The following KCNK12 variants were observed in gnomAD, a reference collection of about 807,000 sequenced individuals.
KCNK12 encodes the protein potassium channel subfamily K member 12.
A neutral mutation model predicts 25.3 loss-of-function variants in KCNK12; 6 were observed. The ratio of observed to expected loss-of-function variants is 0.24; its 90% CI spans 0.13 to 0.47. The LOEUF is 0.47. Ranked by LOEUF, KCNK12 falls within the 20% of genes least tolerant of loss-of-function variation. The pLI is 0.99. For missense variants in KCNK12, 444 were observed against 661.7 expected (o/e 0.67, Z 3.61); for synonymous variants, 331 against 311.1 (o/e 1.06, Z -0.67).
rs770109013 is a variant in KCNK12 at position 47,570,083 on chromosome 2, G to A, written c.249C>T (p.His83=). The change falls in exon 1 of 2, where the codon CAC becomes CAT. Residue 83 remains histidine, a synonymous_variant. Transcript: ENST00000327876. ...CGCGCAGCTCTGGCTCGGCCACGCC[G>A]TGCGCAGCGCTGAAGTTGCGCAGCG... is the stretch of plus-strand genomic sequence containing the variant. ...GATLRNFSAA[H]GVAEPELRAF... is the part of the protein sequence containing the mutation. 1.4e-6 allele frequency: 2 copies of A among 1,385,550 alleles called. No individual in the cohort carries two copies. Among genetic ancestry groups the A allele is most frequent in the Middle Eastern group, 2.6e-4 (1 of 3,794 alleles). The allele number at this position is 1,385,550 out of a possible 1,614,324, so 85.8% of individuals were successfully genotyped here. A position where few individuals can be genotyped will look rare whatever the true frequency, so the allele number is the denominator to read the frequency against.
chr2:47,570,486 A>G lies in KCNK12; in HGVS notation c.-155T>C. On this transcript the variant is annotated 5_prime_UTR_variant, in exon 1 of 2. Transcript: ENST00000327876. Reference sequence around the variant, plus strand: ...GCAGAGCCCCTCGTCGCCTTCCCAGAGCCCGGACAGAGGGGCGCCTCCGCC... The same window carrying G: ...GCAGAGCCCCTCGTCGCCTTCCCAGGGCCCGGACAGAGGGGCGCCTCCGCC... The G allele has an allele frequency of 1.3e-6, 1 of 766,608 alleles. No individual in the cohort carries two copies. The highest frequency in any genetic ancestry group is 1.7e-6 in the Non-Finnish European group (1 of 578,756). 47.5% of individuals were successfully genotyped at this position (766,608 alleles called of 1,614,324 possible).
At position 47,569,156 on chromosome 2, in the gene KCNK12, T is replaced by C. The variant is rs901888246; in HGVS notation, c.391+785A>G. ...TAAGGTTGAGAAAACGTGAACTGTT[T>C]ATATCCAAAAAAAGAGAGAAGAGAT... On this transcript the variant is annotated intron_variant, in intron 1 of 1. Transcript: ENST00000327876. The surrounding 1 kb of genome is among the most constrained non-coding windows in gnomAD (Gnocchi z 4.1). Among the ~76,000 whole-genome samples, 2 of 151,958 alleles carry C rather than the reference T, an allele frequency of 1.3e-5. No homozygotes were observed. The highest frequency in any genetic ancestry group is 4.8e-5 in the African/African-American group (2 of 41,350).
At chr2:47,537,515 G>A (rs1043251458) in intron 1 of KCNK12, among the ~76,000 whole-genome samples, 2 of 152,032 alleles carry the variant, frequency 1.3e-5, no homozygotes, top group Non-Finnish European at 2.9e-5. Context: ...ATTTTTAATA[G>A]AGACAGGGTT....
In KCNK12 at chr2:47,529,428, A is replaced by C. The variant is rs1033206975; in HGVS notation, c.392-7620T>G. Among the ~76,000 whole-genome samples the C allele has an allele frequency of 6.6e-6, 1 of 152,280 alleles. No individual in the cohort carries two copies. The highest frequency in any genetic ancestry group is 6.5e-5 in the Admixed American group (1 of 15,290). ...AGAAATAATGTTAATAAGGTATTCC[A>C]GATGACCCTATTGGTTGGAATCTGT... is the stretch of plus-strand genomic sequence containing the variant. On this transcript the variant is annotated intron_variant, in intron 1 of 1. Coordinates refer to ENST00000327876, the MANE Select transcript of KCNK12 (RefSeq NM_022055.2). The surrounding 1 kb of genome is among the most constrained non-coding windows in gnomAD (Gnocchi z 4.3).
chr2:47,552,625 G>A (rs901633526), intron 1 of KCNK12, among the ~76,000 whole-genome samples: 23 of 151,928 alleles, frequency 1.5e-4, no homozygotes, highest in Non-Finnish European at 2.8e-4. Context: ...AAAATTAGCT[G>A]GGCATGGTGG....
chr2:47,556,164 G>T lies in KCNK12; in HGVS notation c.391+13777C>A, dbSNP rs1572606921. On this transcript the variant is annotated intron_variant, in intron 1 of 1. Coordinates refer to ENST00000327876, the MANE Select transcript of KCNK12 (RefSeq NM_022055.2). This position sits in a 1 kb window ranked among gnomAD's most constrained non-coding sequence, Gnocchi z 4.8. ...GGGTGATGCAGGGTCTATTAAGAAG[G>T]AAGAATATACATGTTTGCATACCGA... is the stretch of plus-strand genomic sequence containing the variant. Among the ~76,000 whole-genome samples the T allele has an allele frequency of 6.6e-6, 1 of 152,176 alleles. No individual in the cohort carries two copies. The highest frequency in any genetic ancestry group is 1.9e-4 in the East Asian group (1 of 5,200).
intron 1 of KCNK12, among the ~76,000 whole-genome samples, chr2:47,559,923 C>T (rs892335561): frequency 1.6e-4 from 25 of 152,254 alleles, no homozygotes; most frequent in Non-Finnish European, 3.1e-4. Flanking sequence ...TATGTAACAG[C>T]CTAGAGGCTT....
intron 1 of KCNK12, among the ~76,000 whole-genome samples, chr2:47,530,921 T>G (rs991317159): frequency 6.6e-6 from 1 of 152,138 alleles, no homozygotes; most frequent in Non-Finnish European, 1.5e-5. Flanking sequence ...TGGCAGAGAT[T>G]TGAAACTAGA....
chr2:47,547,275 A>G lies in KCNK12; in HGVS notation c.391+22666T>C, dbSNP rs75341307. 2.4e-3 allele frequency among the ~76,000 whole-genome samples: 372 copies of G among 152,276 alleles called. 3 individuals are homozygous for G. Among genetic ancestry groups the G allele is most frequent in the African/African-American group, 8.3e-3 (345 of 41,550 alleles). On this transcript the variant is annotated intron_variant, in intron 1 of 1. Transcript: ENST00000327876. This position sits in a 1 kb window ranked among gnomAD's most constrained non-coding sequence, Gnocchi z 5.0. ...CTCTGTGGTTCTAACCTTGACAGCAACTGAAATTACTCTCATGAGGAGTTT... is the reference window on the plus strand; with the variant it reads ...CTCTGTGGTTCTAACCTTGACAGCAGCTGAAATTACTCTCATGAGGAGTTT...
In KCNK12 at chr2:47,548,023, T is replaced by TA. The variant is rs1669349376; in HGVS notation, c.391+21917dup. 6.6e-6 allele frequency among the ~76,000 whole-genome samples: 1 copy of TA among 152,132 alleles called. No individual in the cohort carries two copies. Among genetic ancestry groups the TA allele is most frequent in the Admixed American group, 6.5e-5 (1 of 15,274 alleles). On this transcript the variant is annotated intron_variant, in intron 1 of 1. Transcript: ENST00000327876. The surrounding 1 kb of genome is among the most constrained non-coding windows in gnomAD (Gnocchi z 4.4). ...TAAGTTCTCATGAGATCTGGTTGTT[T>TA]AAAAGTGTGTAGCACCTTCCCCTTT...
intron 1 of KCNK12, among the ~76,000 whole-genome samples, chr2:47,553,251 A>C (rs1176518232): frequency 6.6e-6 from 1 of 152,262 alleles, no homozygotes; most frequent in Non-Finnish European, 1.5e-5. Flanking sequence ...TAACGCATAG[A>C]TTATGAACCA....
intron 1 of KCNK12, chr2:47,535,261 C>G (rs184779475): frequency 8.6e-6 from 2 of 233,012 alleles, no homozygotes; most frequent in African/African-American, 2.2e-5. Context: ...CCACGGAGAG[C>G]TGTGTGTCTG....
In KCNK12 at chr2:47,510,814, C is replaced by A. The variant is rs1236993322; in HGVS notation, c.*10093G>T. On this transcript the variant is annotated 3_prime_UTR_variant, in exon 2 of 2. Transcript: ENST00000327876. ...CAGAATAAATGAAGAATAGCTTATT[C>A]TTTGCCAGGTTGAAGATAGAAAAGG... is the stretch of plus-strand genomic sequence containing the variant. The A allele has an allele frequency of 6.6e-6, 1 of 152,210 alleles. No individual in the cohort carries two copies. Among genetic ancestry groups the A allele is most frequent in the African/African-American group, 2.4e-5 (1 of 41,446 alleles). The allele number at this position is 152,210 out of a possible 1,614,324, so 9.4% of individuals were successfully genotyped here. A position where few individuals can be genotyped will look rare whatever the true frequency, so the allele number is the denominator to read the frequency against.
intron 1 of KCNK12, 73 bp from the exon 2 acceptor site, chr2:47,521,881 TGGGGGC>T: frequency 2.8e-5 from 6 of 212,164 alleles, no homozygotes; most frequent in Non-Finnish European, 4.6e-5. Context: ...GTGGGGGGTG[TGGGGGC>T]GGGGGCATGC....
rs1669577196 is a variant in KCNK12 at position 47,557,658 on chromosome 2, G to A, written c.391+12283C>T. ...CCGGCTGAACAATGCACATCAAGGA[G>A]CTTTGTAAGGCAATTTCCGTATGTT... On this transcript the variant is annotated intron_variant, in intron 1 of 1. Coordinates refer to ENST00000327876, the MANE Select transcript of KCNK12 (RefSeq NM_022055.2). The surrounding 1 kb of genome is among the most constrained non-coding windows in gnomAD (Gnocchi z 4.9). 6.6e-6 allele frequency among the ~76,000 whole-genome samples: 1 copy of A among 152,166 alleles called. No homozygotes were observed. The highest frequency in any genetic ancestry group is 1.5e-5 in the Non-Finnish European group (1 of 68,034).
Position 47,570,471 on chromosome 2 carries a change from T to A in KCNK12, c.-140A>T. ...CCCCTCGCCGCCTTCGCAGAGCCCC[T>A]CGTCGCCTTCCCAGAGCCCGGACAG... On this transcript the variant is annotated 5_prime_UTR_variant, in exon 1 of 2. Coordinates refer to ENST00000327876, the MANE Select transcript of KCNK12 (RefSeq NM_022055.2). 2 of 901,232 alleles carry A rather than the reference T, an allele frequency of 2.2e-6. No individual in the cohort carries two copies. The highest frequency in any genetic ancestry group is 2.9e-6 in the Non-Finnish European group (2 of 700,468). 55.8% of individuals were successfully genotyped at this position (901,232 alleles called of 1,614,324 possible).
chr2:47,570,247 G>GGCGGCA lies in KCNK12; in HGVS notation c.79_84dup (p.Cys27_Arg28dup). 3 of 1,453,512 alleles carry GGCGGCA rather than the reference G, an allele frequency of 2.1e-6. No individual in the cohort carries two copies. The highest frequency in any genetic ancestry group is 2.7e-6 in the Non-Finnish European group (3 of 1,102,970). The allele number at this position is 1,453,512 out of a possible 1,614,324, so 90.0% of individuals were successfully genotyped here. A position where few individuals can be genotyped will look rare whatever the true frequency, so the allele number is the denominator to read the frequency against. On this transcript the variant is annotated inframe_insertion, in exon 1 of 2. Transcript: ENST00000327876. ...CCGGTGTCCTCGTTGAGGTGCGAAC[G>GGCGGCA]GCGGCAGCAGCAGCAGCAGCAGGAG...
chr2:47,570,377 G>T lies in KCNK12; in HGVS notation c.-46C>A. On this transcript the variant is annotated 5_prime_UTR_variant, in exon 1 of 2. Coordinates refer to ENST00000327876, the MANE Select transcript of KCNK12 (RefSeq NM_022055.2). ...GGCCGGGGCGGCGCTCGGGGCCCGGGCCACGACATCCCCCCGGCGGGAGCA... is the reference window on the plus strand; with the variant it reads ...GGCCGGGGCGGCGCTCGGGGCCCGGTCCACGACATCCCCCCGGCGGGAGCA... The T allele has an allele frequency of 8.2e-7, 1 of 1,215,096 alleles. No individual in the cohort carries two copies. Among genetic ancestry groups the T allele is most frequent in the Non-Finnish European group, 1.0e-6 (1 of 978,464 alleles). The allele number at this position is 1,215,096 out of a possible 1,614,324, so 75.3% of individuals were successfully genotyped here. A position where few individuals can be genotyped will look rare whatever the true frequency, so the allele number is the denominator to read the frequency against.
At chr2:47,550,728 A>C (rs1291330102) in intron 1 of KCNK12, among the ~76,000 whole-genome samples, 2 of 152,098 alleles carry the variant, frequency 1.3e-5, no homozygotes, top group Admixed American at 1.3e-4. Context: ...ACAATCTTTA[A>C]GGTGCTAAAA....
Sources: allele counts gnomAD v4.1 joint callset (sites outside exome capture counted in the v4.1 genomes callset), GRCh38; gene constraint gnomAD v4.1.1; non-coding constraint Gnocchi (gnomAD v3.1); transcripts MANE v1.5; gene names NCBI Gene and HGNC (gene_info 2026-07-23, HGNC 2026-07-21).